VAT1L: variants seen among roughly 807,000 people sequenced by gnomAD.
VAT1L encodes the protein putative NADPH-dependent quinone oxidoreductase VAT1L.
A neutral mutation model predicts 44.1 loss-of-function variants in VAT1L; 34 were observed. The ratio of observed to expected loss-of-function variants is 0.77; its 90% CI spans 0.59 to 1.03. VAT1L has a LOEUF of 1.03. VAT1L is among the 50% of genes least tolerant of loss of function. The pLI is 0.00. For missense variants in VAT1L, 615 were observed against 538.8 expected (o/e 1.14, Z -1.40); for synonymous variants, 253 against 202.2 (o/e 1.25, Z -2.13).
At chr16:77,839,300 C>G (rs1333101550) in intron 3 of VAT1L, among the ~76,000 whole-genome samples, 1 of 151,886 alleles carries the variant, frequency 6.6e-6, no homozygotes, top group African/African-American at 2.4e-5. Flanking sequence ...CTTTGGGAGG[C>G]CGAGACGGGC....
chr16:77,909,170 A>G (rs1024258970), intron 7 of VAT1L, among the ~76,000 whole-genome samples: 6 of 152,208 alleles, frequency 3.9e-5, no homozygotes, highest in Admixed American at 1.3e-4. Context: ...ACAGAAGAAA[A>G]TGAGGCACAG....
chr16:77,913,451 C>T (rs1437748370), intron 7 of VAT1L, among the ~76,000 whole-genome samples: 1 of 151,760 alleles, frequency 6.6e-6, no homozygotes, highest in African/African-American at 2.4e-5. Context: ...CAACAGGGAC[C>T]CCCCTCCCCC....
chr16:77,921,017 C>A lies in VAT1L; in HGVS notation c.1077+36215C>A, dbSNP rs558040929. On this transcript the variant is annotated intron_variant, in intron 7 of 8. Transcript: ENST00000302536. Reference sequence around the variant, plus strand: ...ATGTAGATAATTCATCAGAAGTTAACACAAATATCCATTTCATTAGATCAG... The same window carrying A: ...ATGTAGATAATTCATCAGAAGTTAAAACAAATATCCATTTCATTAGATCAG... Among the ~76,000 whole-genome samples the A allele has an allele frequency of 1.7e-3, 255 of 152,242 alleles. 2 individuals carry two copies. Among genetic ancestry groups the A allele is most frequent in the Middle Eastern group, 3.4e-3 (1 of 294 alleles).
At chr16:77,819,785 TAGAC>T (rs1392342503) in intron 2 of VAT1L, among the ~76,000 whole-genome samples, 1 of 152,238 alleles carries the variant, frequency 6.6e-6, no homozygotes, top group Non-Finnish European at 1.5e-5. Flanking sequence ...GTTTCCTCCT[TAGAC>T]AGCTGTTCCT....
chr16:77,972,205 A>C (rs1227616809), intron 8 of VAT1L, among the ~76,000 whole-genome samples: 1 of 152,218 alleles, frequency 6.6e-6, no homozygotes, highest in East Asian at 1.9e-4. Context: ...TGTCTATTAC[A>C]GCTGCTAGCT....
intron 7 of VAT1L, among the ~76,000 whole-genome samples, chr16:77,933,524 CA>C (rs2017756286): frequency 6.6e-6 from 1 of 152,072 alleles, no homozygotes; most frequent in African/African-American, 2.4e-5. Context: ...GAAAAATGGT[CA>C]AATAATTTCA....
At chr16:77,893,925 T>C (rs1315310536) in intron 7 of VAT1L, among the ~76,000 whole-genome samples, 1 of 152,206 alleles carries the variant, frequency 6.6e-6, no homozygotes, top group African/African-American at 2.4e-5. Flanking sequence ...ATGTGCCAAG[T>C]ACCTTGCATT....
intron 3 of VAT1L, among the ~76,000 whole-genome samples, chr16:77,846,740 A>G (rs988071088): frequency 4.6e-5 from 7 of 152,352 alleles, no homozygotes; most frequent in Admixed American, 6.5e-5. Flanking sequence ...TATATAATAG[A>G]ATATTCCATA....
At chr16:77,846,581 C>T (rs181484231) in intron 3 of VAT1L, among the ~76,000 whole-genome samples, 62 of 152,254 alleles carry the variant, frequency 4.1e-4, no homozygotes, top group African/African-American at 1.4e-3. Context: ...ACAAAGTATA[C>T]AGTCATAGGT....
intron 1 of VAT1L, among the ~76,000 whole-genome samples, chr16:77,795,281 G>T (rs754964629): frequency 0.057 from 4,502 of 79,612 alleles, 147 homozygotes; most frequent in Admixed American, 0.085. Context: ...TTACAGTGGG[G>T]GCGGGGGGAA....
intron 1 of VAT1L, among the ~76,000 whole-genome samples, chr16:77,790,340 G>T (rs1357164268): frequency 2.6e-5 from 4 of 152,136 alleles, no homozygotes; most frequent in Non-Finnish European, 5.9e-5. Context: ...ATTGAACCAA[G>T]TTGTTTGATC....
rs1250509217 is a variant in VAT1L at position 77,978,495 on chromosome 16, T to C, written c.*800T>C. 1 of 151,928 alleles carries C rather than the reference T, an allele frequency of 6.6e-6. No homozygotes were observed. The highest frequency in any genetic ancestry group is 1.5e-5 in the Non-Finnish European group (1 of 67,970). The allele number at this position is 151,928 out of a possible 1,614,324, so 9.4% of individuals were successfully genotyped here. A position where few individuals can be genotyped will look rare whatever the true frequency, so the allele number is the denominator to read the frequency against. On this transcript the variant is annotated 3_prime_UTR_variant, in exon 9 of 9. Transcript: ENST00000302536. ...ACATACAAGACACATTCAGAAGTCA[T>C]TCCTGAGCATTGCTGGTGTTTGCAC...
intron 7 of VAT1L, among the ~76,000 whole-genome samples, chr16:77,905,670 C>T (rs1282616017): frequency 6.6e-6 from 1 of 152,122 alleles, no homozygotes; most frequent in African/African-American, 2.4e-5. Flanking sequence ...TCATTAGCTG[C>T]AGTGTAGGTT....
intron 5 of VAT1L, among the ~76,000 whole-genome samples, chr16:77,878,336 T>C (rs562913631): frequency 3.3e-5 from 5 of 152,292 alleles, no homozygotes; most frequent in African/African-American, 1.2e-4. Context: ...ATGACTATTT[T>C]ATTAAATAAC....
intron 7 of VAT1L, among the ~76,000 whole-genome samples, chr16:77,935,130 G>C (rs2017777995): frequency 1.3e-5 from 2 of 151,872 alleles, no homozygotes; most frequent in Admixed American, 1.3e-4. Context: ...ACTTTCTATT[G>C]AAACCAGCAA....
intron 4 of VAT1L, among the ~76,000 whole-genome samples, chr16:77,867,458 G>T (rs1360407532): frequency 6.6e-6 from 1 of 151,806 alleles, no homozygotes; most frequent in South Asian, 2.1e-4. Context: ...CAGACCTTTT[G>T]TTCATTCATT....
chr16:77,930,609 T>C (rs1053741408), intron 7 of VAT1L, among the ~76,000 whole-genome samples: 1 of 152,098 alleles, frequency 6.6e-6, no homozygotes, highest in Non-Finnish European at 1.5e-5. Context: ...TCCGTAGCAC[T>C]CAATAAAACC....
At chr16:77,868,603 G>T (rs1389726558) in intron 4 of VAT1L, among the ~76,000 whole-genome samples, 2 of 152,188 alleles carry the variant, frequency 1.3e-5, no homozygotes, top group Non-Finnish European at 2.9e-5. Context: ...TCAGTTCCAG[G>T]TGGCTGTAGT....
intron 7 of VAT1L, among the ~76,000 whole-genome samples, chr16:77,963,211 A>G (rs2018182407): frequency 6.6e-6 from 1 of 152,124 alleles, no homozygotes; most frequent in Admixed American, 6.6e-5. Flanking sequence ...TGAATCTGGT[A>G]CCTCACATGG....
Sources: gnomAD v4.1 joint callset for allele counts (sites outside exome capture counted in the v4.1 genomes callset) on GRCh38, gnomAD v4.1.1 for gene constraint, MANE v1.5 for transcripts, NCBI Gene and HGNC (gene_info 2026-07-23, HGNC 2026-07-21) for gene names.